The following IL7 variants were observed in gnomAD, a reference collection of about 807,000 sequenced individuals.
The protein encoded by IL7 is interleukin 7.
In IL7, 3 loss-of-function variants were observed where a neutral mutation model predicts 21.6. That is an observed-to-expected ratio of 0.14 (90% confidence interval 0.06 to 0.36). The LOEUF (loss-of-function observed/expected upper bound fraction) is 0.36, where lower values mean the gene tolerates loss of function less well. IL7 is among the 10% of genes least tolerant of loss of function. IL7 has a pLI of 1.00. For synonymous variants in IL7, 62 were observed against 68.1 expected (o/e 0.91, Z 0.44); for missense variants, 175 against 200.2 (o/e 0.87, Z 0.76).
intron 2 of IL7, among the ~76,000 whole-genome samples, chr8:78,742,080 A>G (rs1415563491): frequency 1.3e-5 from 2 of 151,970 alleles, no homozygotes; most frequent in Admixed American, 1.3e-4. Context: ...TTGGGAGGCC[A>G]AAGTGGGTAG....
At chr8:78,712,147 A>G (rs1020811645) in intron 3 of IL7, 2 of 1,162,240 alleles carry the variant, frequency 1.7e-6, no homozygotes, top group Non-Finnish European at 2.3e-6. Flanking sequence ...TTTTTCAGAT[A>G]TTTCCTTAAA....
intron 3 of IL7, among the ~76,000 whole-genome samples, chr8:78,739,796 CA>C (rs34571033): frequency 1.3e-5 from 2 of 150,640 alleles, no homozygotes; most frequent in African/African-American, 4.9e-5. Context: ...AATGGTGAAA[CA>C]AAAAAAACTT....
intron 3 of IL7, among the ~76,000 whole-genome samples, chr8:78,691,353 T>C (rs1050393690): frequency 2.6e-5 from 4 of 152,212 alleles, no homozygotes; most frequent in African/African-American, 9.6e-5. Context: ...TTTATCATTA[T>C]AAATTGTTCC....
At chr8:78,719,366 G>C (rs184817119) in intron 5 of IL7, 1 of 151,632 alleles carries the variant, frequency 6.6e-6, no homozygotes, top group Non-Finnish European at 1.5e-5. Context: ...AGATGAGTTG[G>C]TAAGAAATCA....
intron 1 of IL7, among the ~76,000 whole-genome samples, chr8:78,802,015 A>G (rs1268204833): frequency 6.6e-6 from 1 of 152,218 alleles, no homozygotes; most frequent in Non-Finnish European, 1.5e-5. Flanking sequence ...GATAAACCAT[A>G]GGAATAACGC....
At chr8:78,714,370 T>A (rs1044053914), downstream of IL7, among the ~76,000 whole-genome samples, 12 of 152,282 alleles carry the variant, frequency 7.9e-5, no homozygotes, top group Non-Finnish European at 1.8e-4. Context: ...CACTATTATA[T>A]AAATGTTAAC....
chr8:78,797,405 T>C (rs1346835645), intron 2 of IL7, among the ~76,000 whole-genome samples: 1 of 151,986 alleles, frequency 6.6e-6, no homozygotes, highest in Non-Finnish European at 1.5e-5. Flanking sequence ...TGCACTTATG[T>C]AATGTATCAA....
downstream of IL7, among the ~76,000 whole-genome samples, chr8:78,730,436 T>A (rs1586047148): frequency 6.6e-6 from 1 of 151,936 alleles, no homozygotes; most frequent in African/African-American, 2.4e-5. Context: ...TTGGTCAGAA[T>A]CAAAGCCAAA....
intron 2 of IL7, among the ~76,000 whole-genome samples, chr8:78,775,850 A>C (rs1246133146): frequency 2.6e-5 from 4 of 152,028 alleles, no homozygotes; most frequent in Non-Finnish European, 4.4e-5. Context: ...TTGGGACTTC[A>C]CTGGACCTCT....
chr8:78,707,990 A>T (rs1396232477), intron 3 of IL7, among the ~76,000 whole-genome samples: 4 of 152,158 alleles, frequency 2.6e-5, no homozygotes, highest in African/African-American at 9.7e-5. Flanking sequence ...GGCTAACAAA[A>T]AATTTTTGGT....
At chr8:78,750,778 C>T (rs1248816916) in intron 2 of IL7, among the ~76,000 whole-genome samples, 1 of 152,006 alleles carries the variant, frequency 6.6e-6, no homozygotes, top group African/African-American at 2.4e-5. Flanking sequence ...GAGCCGAGAT[C>T]GTGCCACTGC....
intron 4 of IL7, among the ~76,000 whole-genome samples, chr8:78,679,893 T>C (rs2130450217): frequency 6.6e-6 from 1 of 152,318 alleles, no homozygotes; most frequent in South Asian, 2.1e-4. Flanking sequence ...TATGACGTTT[T>C]TCTTAGTTAC....
At chr8:78,712,526 C>G (rs929521865) in intron 3 of IL7, among the ~76,000 whole-genome samples, 4 of 151,850 alleles carry the variant, frequency 2.6e-5, no homozygotes, top group Admixed American at 1.3e-4. Context: ...TTATAAAAAG[C>G]CCAGAAAAAG....
At chr8:78,761,217 C>T (rs1038586380) in intron 2 of IL7, 119 of 1,594,136 alleles carry the variant, frequency 7.5e-5, no homozygotes, top group Non-Finnish European at 9.6e-5. Flanking sequence ...ACAGAAATTA[C>T]GTTGTCAAGT....
At chr8:78,794,509 T>C (rs952289499) in intron 2 of IL7, among the ~76,000 whole-genome samples, 1 of 152,112 alleles carries the variant, frequency 6.6e-6, no homozygotes, top group Admixed American at 6.6e-5. Flanking sequence ...AAGCCAGGCA[T>C]TGACTTCTCT....
downstream of IL7, chr8:78,715,390 G>C: frequency 7.0e-7 from 1 of 1,430,974 alleles, no homozygotes; most frequent in Non-Finnish European, 9.5e-7. Context: ...AGTTTTCCAA[G>C]GACCATACAC....
intron 2 of IL7, among the ~76,000 whole-genome samples, chr8:78,759,530 C>T (rs1322434366): frequency 6.6e-6 from 1 of 152,074 alleles, no homozygotes; most frequent in Admixed American, 6.6e-5. Flanking sequence ...AAGATGTAGG[C>T]TCCACAAAGG....
intron 2 of IL7, among the ~76,000 whole-genome samples, chr8:78,764,955 A>T (rs1470019919): frequency 6.6e-6 from 1 of 152,178 alleles, no homozygotes; most frequent in Admixed American, 6.5e-5. Flanking sequence ...AGTAATCAAG[A>T]CACTATAGCA....
At chr8:78,712,655 G>T (rs1012702301) in intron 3 of IL7, among the ~76,000 whole-genome samples, 1 of 152,168 alleles carries the variant, frequency 6.6e-6, no homozygotes, top group Non-Finnish European at 1.5e-5. Context: ...TCGAGGAAGA[G>T]TATGACACAG....
Sources: allele counts gnomAD v4.1 joint callset (sites outside exome capture counted in the v4.1 genomes callset), GRCh38; gene constraint gnomAD v4.1.1; transcripts MANE v1.5; gene names NCBI Gene and HGNC (gene_info 2026-07-23, HGNC 2026-07-21).